The following ST6GAL1 variants were observed in gnomAD, a reference collection of about 807,000 sequenced individuals.
The protein encoded by ST6GAL1 is beta-galactoside alpha-2,6-sialyltransferase 1.
In ST6GAL1, 20 loss-of-function variants were observed where a neutral mutation model predicts 38.0. That is an observed-to-expected ratio of 0.53 (90% CI 0.37 to 0.77). The LOEUF (loss-of-function observed/expected upper bound fraction) is 0.77. ST6GAL1 is among the 30% of genes least tolerant of loss of function. The pLI, the probability that ST6GAL1 is intolerant of heterozygous loss-of-function variation, is 0.00. For synonymous variants in ST6GAL1, 196 were observed against 188.2 expected (o/e 1.04, Z -0.34); for missense variants, 432 against 496.4 (o/e 0.87, Z 1.23).
intron 1 of ST6GAL1, among the ~76,000 whole-genome samples, chr3:186,934,519 A>G (rs980204863): frequency 1.8e-4 from 27 of 146,956 alleles, no homozygotes; most frequent in African/African-American, 6.4e-4. Context: ...CCGCGATCTC[A>G]CCACTGTACT....
At chr3:187,002,957 G>T (rs949500797) in intron 2 of ST6GAL1, among the ~76,000 whole-genome samples, 2 of 152,188 alleles carry the variant, frequency 1.3e-5, no homozygotes, top group African/African-American at 4.8e-5. Context: ...ATTAGTAAGA[G>T]AAATAAAACA....
At chr3:187,066,069 G>A (rs558535926) in intron 5 of ST6GAL1, among the ~76,000 whole-genome samples, 1 of 152,286 alleles carries the variant, frequency 6.6e-6, no homozygotes, top group Non-Finnish European at 1.5e-5. Flanking sequence ...TATCTGGATG[G>A]GTTGGCAGGG....
chr3:187,000,024 A>T (rs532511651), intron 2 of ST6GAL1, among the ~76,000 whole-genome samples: 23 of 152,032 alleles, frequency 1.5e-4, no homozygotes, highest in African/African-American at 5.6e-4. Flanking sequence ...ATTTTTGTAG[A>T]GTATGTTGGC....
intron 5 of ST6GAL1, among the ~76,000 whole-genome samples, chr3:187,066,121 A>C (rs1719111818): frequency 6.6e-6 from 1 of 152,286 alleles, no homozygotes; most frequent in East Asian, 1.9e-4. Context: ...AACGGGTCTA[A>C]AACCAGCGAT....
intron 2 of ST6GAL1, among the ~76,000 whole-genome samples, chr3:186,981,267 A>G (rs1370569107): frequency 6.6e-6 from 1 of 152,222 alleles, no homozygotes; most frequent in Non-Finnish European, 1.5e-5. Flanking sequence ...AATATATTTT[A>G]TTAGAGTGGG....
intron 1 of ST6GAL1, among the ~76,000 whole-genome samples, chr3:186,937,420 C>T (rs1015147754): frequency 1.3e-5 from 2 of 152,134 alleles, no homozygotes; most frequent in Non-Finnish European, 2.9e-5. Flanking sequence ...GAGAAGAGGC[C>T]TGCACATGGC....
chr3:187,026,805 G>A (rs1717553840), intron 2 of ST6GAL1, among the ~76,000 whole-genome samples: 1 of 152,186 alleles, frequency 6.6e-6, no homozygotes, highest in Admixed American at 6.5e-5. Flanking sequence ...CAGCACTTTG[G>A]GAGGCCGAGG....
At chr3:187,028,827 G>A (rs1271904379) in intron 2 of ST6GAL1, among the ~76,000 whole-genome samples, 5 of 152,098 alleles carry the variant, frequency 3.3e-5, no homozygotes, top group South Asian at 2.1e-4. Context: ...TTCCTTTGGC[G>A]CTATTTGACT....
chr3:186,955,683 A>T (rs1325604789), intron 1 of ST6GAL1, among the ~76,000 whole-genome samples: 1 of 151,852 alleles, frequency 6.6e-6, no homozygotes, highest in Non-Finnish European at 1.5e-5. Context: ...TTGTATTTTT[A>T]GTAGAGATGG....
chr3:187,036,501 G>GTGC (rs776148361), intron 2 of ST6GAL1, among the ~76,000 whole-genome samples: 4 of 152,288 alleles, frequency 2.6e-5, no homozygotes, highest in Non-Finnish European at 4.4e-5. Flanking sequence ...ATCAGCCTAG[G>GTGC]TGCCCATCAG....
At chr3:187,074,079 C>T in intron 6 of ST6GAL1, 80 bp from the exon 7 acceptor site, 1 of 1,296,310 alleles carries the variant, frequency 7.7e-7, no homozygotes, top group Non-Finnish European at 1.1e-6. Flanking sequence ...CTCCCCATGT[C>T]CACTGATGAA....
intron 3 of ST6GAL1, among the ~76,000 whole-genome samples, chr3:187,042,204 C>CT (rs1417192334): frequency 6.6e-6 from 1 of 151,114 alleles, no homozygotes; most frequent in African/African-American, 2.4e-5. Context: ...AGTCAGCCTG[C>CT]TTTTTTTTAT....
intron 1 of ST6GAL1, among the ~76,000 whole-genome samples, chr3:186,940,273 A>G (rs1714118361): frequency 7.1e-6 from 1 of 140,312 alleles, no homozygotes; most frequent in African/African-American, 2.5e-5. Context: ...CTTCACATAA[A>G]TAATAAATGA....
chr3:186,981,502 A>G (rs1157464669), intron 2 of ST6GAL1, among the ~76,000 whole-genome samples: 1 of 152,204 alleles, frequency 6.6e-6, no homozygotes, highest in Non-Finnish European at 1.5e-5. Context: ...ACCGTGGGTA[A>G]CCTGCATGAA....
intron 2 of ST6GAL1, among the ~76,000 whole-genome samples, chr3:186,995,006 A>ATAAG (rs527465453): frequency 1.3e-5 from 2 of 152,128 alleles, no homozygotes; most frequent in African/African-American, 2.4e-5. Context: ...TCACATTCAA[A>ATAAG]TAAGTAAGTA....
chr3:187,073,078 A>T (rs926914371), intron 6 of ST6GAL1, 131 bp downstream of exon 6: 7 of 660,528 alleles, frequency 1.1e-5, no homozygotes, highest in African/African-American at 1.8e-5. Flanking sequence ...GTTTTAGGGT[A>T]CCCCATTTCA....
At position 187,042,850 on chromosome 3, in the gene ST6GAL1, G is replaced by A; in HGVS notation, c.147G>A (p.Lys49=). The change falls in exon 4 of 8, where the codon AAG becomes AAA. Residue 49 remains lysine, a synonymous_variant. Coordinates refer to ENST00000169298, the MANE Select transcript of ST6GAL1 (RefSeq NM_173216.2). ...AAACCAAGGAATTCCAGGTGTTAAA[G>A]AGTCTGGGGAAATTGGCCATGGGGT... ...KLQTKEFQVL[K]SLGKLAMGSD... The A allele has an allele frequency of 6.2e-7, 1 of 1,614,220 alleles. No homozygotes were observed. The highest frequency in any genetic ancestry group is 2.2e-5 in the East Asian group (1 of 44,890).
At chr3:187,027,411 C>T (rs993693725) in intron 2 of ST6GAL1, among the ~76,000 whole-genome samples, 3 of 152,254 alleles carry the variant, frequency 2.0e-5, no homozygotes, top group Non-Finnish European at 4.4e-5. Context: ...ATTCTCCCAA[C>T]CTCCCAGACT....
intron 2 of ST6GAL1, among the ~76,000 whole-genome samples, chr3:187,021,587 A>G (rs1717302489): frequency 6.6e-6 from 1 of 151,836 alleles, no homozygotes; most frequent in Non-Finnish European, 1.5e-5. Context: ...TAAAAATAGA[A>G]AAATTAGCCG....
Sources: gnomAD v4.1 joint callset for allele counts (sites outside exome capture counted in the v4.1 genomes callset) on GRCh38, gnomAD v4.1.1 for gene constraint, MANE v1.5 for transcripts, NCBI Gene and HGNC (gene_info 2026-07-23, HGNC 2026-07-21) for gene names.